The following DOCK5 variants were observed in gnomAD, a reference collection of about 807,000 sequenced individuals.
DOCK5 encodes the protein dedicator of cytokinesis protein 5.
A neutral mutation model predicts 251.8 loss-of-function variants in DOCK5; 142 were observed. That is an observed-to-expected ratio of 0.56 (90% CI 0.49 to 0.65). DOCK5 has a LOEUF of 0.65. Ranked by LOEUF, DOCK5 falls within the 30% of genes least tolerant of loss-of-function variation. The pLI is 0.00. For synonymous variants in DOCK5, 842 were observed against 835.5 expected (o/e 1.01, Z -0.13); for missense variants, 2,111 against 2,312.3 (o/e 0.91, Z 1.79).
intron 1 of DOCK5, among the ~76,000 whole-genome samples, chr8:25,228,240 A>T (rs1184854563): frequency 1.3e-5 from 2 of 152,236 alleles, no homozygotes; most frequent in Non-Finnish European, 2.9e-5. Context: ...ATATACTAAG[A>T]TATTTCAGCA....
chr8:25,283,568 T>G (rs979880386), intron 5 of DOCK5, among the ~76,000 whole-genome samples: 1 of 152,172 alleles, frequency 6.6e-6, no homozygotes, highest in Non-Finnish European at 1.5e-5. Context: ...TGATGTTATC[T>G]TAGCTGGAAG....
At chr8:25,282,078 T>C (rs1226710576) in intron 5 of DOCK5, among the ~76,000 whole-genome samples, 1 of 152,200 alleles carries the variant, frequency 6.6e-6, no homozygotes, top group Admixed American at 6.5e-5. Context: ...GAAACCTGCT[T>C]CTGCTCTTGA....
intron 1 of DOCK5, among the ~76,000 whole-genome samples, chr8:25,201,000 G>T (rs957846922): frequency 1.3e-4 from 20 of 152,222 alleles, no homozygotes; most frequent in African/African-American, 4.3e-4. Flanking sequence ...TCCGCCTCCT[G>T]GGTTCAAACA....
At chr8:25,233,265 C>A (rs1018584931) in intron 1 of DOCK5, among the ~76,000 whole-genome samples, 7 of 152,202 alleles carry the variant, frequency 4.6e-5, no homozygotes, top group African/African-American at 1.2e-4. Context: ...TGAAAACCAA[C>A]GTGTCATGTA....
chr8:25,308,331 A>G (rs530109039), intron 11 of DOCK5, among the ~76,000 whole-genome samples: 48 of 152,130 alleles, frequency 3.2e-4, no homozygotes, highest in Non-Finnish European at 6.0e-4. Flanking sequence ...ACTAGACAGG[A>G]GCCTTAACAG....
chr8:25,296,034 G>A (rs1224611074), intron 6 of DOCK5, among the ~76,000 whole-genome samples: 2 of 152,078 alleles, frequency 1.3e-5, no homozygotes, highest in African/African-American at 4.8e-5. Flanking sequence ...TGCCCAGGCT[G>A]GTCTTGACCT....
chr8:25,222,540 T>G (rs1252828693), intron 1 of DOCK5, among the ~76,000 whole-genome samples: 1 of 152,188 alleles, frequency 6.6e-6, no homozygotes, highest in Admixed American at 6.5e-5. Context: ...TGAGAATAAG[T>G]AAGAAGATCT....
At chr8:25,335,785 A>G (rs1274341276) in intron 21 of DOCK5, among the ~76,000 whole-genome samples, 1 of 152,166 alleles carries the variant, frequency 6.6e-6, no homozygotes. Flanking sequence ...TCTTCACTCC[A>G]TAAAGTTTCT....
chr8:25,230,913 G>A (rs1165850263), intron 1 of DOCK5, among the ~76,000 whole-genome samples: 2 of 152,042 alleles, frequency 1.3e-5, no homozygotes, highest in African/African-American at 4.8e-5. Flanking sequence ...AAGAACAGTA[G>A]CAAAAGTACC....
chr8:25,318,551 TC>T (rs1428476340), intron 14 of DOCK5, among the ~76,000 whole-genome samples: 19 of 121,216 alleles, frequency 1.6e-4, no homozygotes, highest in Middle Eastern at 4.3e-3. Context: ...CCCCTCCACT[TC>T]CCTTCTTCTA....
At position 25,198,279 on chromosome 8, in the gene DOCK5, A is replaced by G. The variant is rs115022579; in HGVS notation, c.43+13328A>G. On this transcript the variant is annotated intron_variant, in intron 1 of 51. Coordinates refer to ENST00000276440, the MANE Select transcript of DOCK5 (RefSeq NM_024940.8). ...TTCCCTGCCAGAGACCAGTTATAAG[A>G]CGAAGTGACGACCAGACACGGTGTC... 5.9e-3 allele frequency among the ~76,000 whole-genome samples: 894 copies of G among 152,268 alleles called. 11 individuals are homozygous for G. Among genetic ancestry groups the G allele is most frequent in the African/African-American group, 0.02 (850 of 41,542 alleles).
intron 2 of DOCK5, among the ~76,000 whole-genome samples, chr8:25,247,995 G>A (rs527601134): frequency 5.9e-5 from 9 of 152,290 alleles, no homozygotes; most frequent in African/African-American, 2.2e-4. Flanking sequence ...CTCAAAGGAC[G>A]TCAGTGCCTG....
At chr8:25,316,358 G>A (rs978784793) in intron 13 of DOCK5, among the ~76,000 whole-genome samples, 4 of 152,110 alleles carry the variant, frequency 2.6e-5, no homozygotes, top group African/African-American at 9.7e-5. Context: ...ATGTGTGCTT[G>A]TAATTCCAGC....
intron 2 of DOCK5, among the ~76,000 whole-genome samples, chr8:25,256,112 T>C (rs1271896214): frequency 6.6e-6 from 1 of 152,270 alleles, no homozygotes; most frequent in Non-Finnish European, 1.5e-5. Context: ...GGAAAGTTTC[T>C]AGTTACAGAA....
chr8:25,292,275 A>G (rs1014531848), intron 6 of DOCK5, 103 bp downstream of exon 6: 2 of 1,278,000 alleles, frequency 1.6e-6, no homozygotes, highest in Non-Finnish European at 2.1e-6. Flanking sequence ...AGAGTTGCCA[A>G]AGAATAATGC....
At chr8:25,259,373 C>T (rs922130294) in intron 2 of DOCK5, among the ~76,000 whole-genome samples, 2 of 152,142 alleles carry the variant, frequency 1.3e-5, no homozygotes, top group Middle Eastern at 3.2e-3. Context: ...GTATCCCCAG[C>T]TTAGGTAGTA....
At position 25,210,060 on chromosome 8, in the gene DOCK5, GTGTGTGTGTATCTGTCTATT is replaced by G. The variant is rs1395445539; in HGVS notation, c.43+25111_43+25130del. ...AATGTGTGTGTGTGTGTGTGTGTGT[GTGTGTGTGTATCTGTCTATT>G]TATCTATCTATCTATCTATCTATCT... On this transcript the variant is annotated intron_variant, in intron 1 of 51. Coordinates refer to ENST00000276440, the MANE Select transcript of DOCK5 (RefSeq NM_024940.8). Among the ~76,000 whole-genome samples the G allele has an allele frequency of 2.6e-4, 7 of 27,246 alleles. 1 individual carries two copies. The highest frequency in any genetic ancestry group is 8.3e-4 in the African/African-American group (7 of 8,476). The allele number at this position is 27,246 out of a possible 152,430, so 17.9% of individuals were successfully genotyped here.
Position 25,278,640 on chromosome 8 carries a change from C to T in DOCK5, c.296C>T (p.Ala99Val), listed in dbSNP as rs749697914. The change falls in exon 5 of 52, where the codon GCT becomes GTT. Residue 99 changes from alanine (A) to valine (V), a missense_variant. Physicochemically the swap from Ala to Val is moderately conservative, Grantham distance 64. Transcript: ENST00000276440. ...CTCACGTCCACTCTGCGAGAATGGG[C>T]TGTCATCTGGCGAAAGCTCTACGTG... Reference protein sequence around the residue: ...QELTSTLREWAVIWRKLYVNN... With the variant: ...QELTSTLREWVVIWRKLYVNN... 1 of 1,613,936 alleles carries T rather than the reference C, an allele frequency of 6.2e-7. No individual in the cohort carries two copies. Among genetic ancestry groups the T allele is most frequent in the African/African-American group, 1.3e-5 (1 of 75,052 alleles).
intron 1 of DOCK5, among the ~76,000 whole-genome samples, chr8:25,229,677 A>G (rs1206579991): frequency 1.3e-5 from 2 of 152,170 alleles, no homozygotes; most frequent in Admixed American, 6.5e-5. Context: ...ACATATATAT[A>G]TGAAGAAGGA....
Sources: allele counts gnomAD v4.1 joint callset (sites outside exome capture counted in the v4.1 genomes callset), GRCh38; gene constraint gnomAD v4.1.1; transcripts MANE v1.5; gene names NCBI Gene and HGNC (gene_info 2026-07-23, HGNC 2026-07-21).